Variants in ST6GALNAC3 observed in about 807,000 individuals in gnomAD.
ST6GALNAC3 encodes alpha-N-acetylgalactosaminide alpha-2,6-sialyltransferase 3.
ST6GALNAC3 carries 25 observed loss-of-function variants against 32.7 expected under a neutral mutation model. That is an observed-to-expected ratio of 0.76 (90% CI 0.56 to 1.07). The LOEUF (loss-of-function observed/expected upper bound fraction) is 1.07. ST6GALNAC3 is among the 50% of genes least tolerant of loss of function. The probability of loss-of-function intolerance (pLI) is 0.00; values close to 1 mark genes in which losing one functional copy is unlikely to be tolerated. For synonymous variants in ST6GALNAC3, 129 were observed against 133.1 expected (o/e 0.97, Z 0.21); for missense variants, 355 against 382.4 (o/e 0.93, Z 0.60).
At chr1:76,565,331 C>G (rs1296283099) in intron 3 of ST6GALNAC3, among the ~76,000 whole-genome samples, 1 of 152,162 alleles carries the variant, frequency 6.6e-6, no homozygotes, top group Non-Finnish European at 1.5e-5. Flanking sequence ...GGGCATGTTA[C>G]TTTGGTGGAG....
intron 3 of ST6GALNAC3, among the ~76,000 whole-genome samples, chr1:76,531,595 G>T (rs1663259529): frequency 6.6e-6 from 1 of 152,100 alleles, no homozygotes; most frequent in East Asian, 1.9e-4. Flanking sequence ...CATTTTGTGT[G>T]CTTTTTTCCC....
At chr1:76,185,104 G>A (rs900994682) in intron 1 of ST6GALNAC3, among the ~76,000 whole-genome samples, 1 of 152,122 alleles carries the variant, frequency 6.6e-6, no homozygotes, top group South Asian at 2.1e-4. Flanking sequence ...GATCAGAGAG[G>A]AAAACCAACT....
chr1:76,246,004 G>T (rs1657236714), intron 1 of ST6GALNAC3, among the ~76,000 whole-genome samples: 1 of 152,124 alleles, frequency 6.6e-6, no homozygotes, highest in Non-Finnish European at 1.5e-5. Flanking sequence ...ATTGACAGTG[G>T]GGTGTTAAAG....
At chr1:76,352,363 CCTT>C (rs759078848) in intron 2 of ST6GALNAC3, among the ~76,000 whole-genome samples, 16 of 114,052 alleles carry the variant, frequency 1.4e-4, no homozygotes, top group Non-Finnish European at 2.6e-4. Context: ...ACTATTTCCT[CCTT>C]TTTTTTTTTT....
chr1:76,213,066 C>T (rs534750683), intron 1 of ST6GALNAC3, among the ~76,000 whole-genome samples: 14 of 152,120 alleles, frequency 9.2e-5, no homozygotes, highest in South Asian at 4.2e-4. Context: ...TCAAATAATC[C>T]GAATTAGGGA....
chr1:76,241,500 A>G (rs543598332), intron 1 of ST6GALNAC3, among the ~76,000 whole-genome samples: 14 of 152,286 alleles, frequency 9.2e-5, no homozygotes, highest in African/African-American at 3.4e-4. Flanking sequence ...TCCCTTCCCC[A>G]GGAATGGAAT....
At chr1:76,591,930 C>T (rs548149267) in intron 3 of ST6GALNAC3, among the ~76,000 whole-genome samples, 8 of 152,098 alleles carry the variant, frequency 5.3e-5, no homozygotes, top group African/African-American at 1.4e-4. Context: ...ACAATTGGCA[C>T]GGAAAGAAGT....
intron 3 of ST6GALNAC3, among the ~76,000 whole-genome samples, chr1:76,491,490 A>G (rs6684849): frequency 0.31 from 47,199 of 151,914 alleles, 11,019 homozygotes; most frequent in African/African-American, 0.66. Context: ...CCTGGCTTCC[A>G]CATGCTGAGT....
intron 1 of ST6GALNAC3, among the ~76,000 whole-genome samples, chr1:76,091,790 G>A (rs1345621362): frequency 6.6e-6 from 1 of 152,216 alleles, no homozygotes; most frequent in Non-Finnish European, 1.5e-5. Flanking sequence ...GCCTAGGTAT[G>A]TAGTAGGCTA....
At chr1:76,570,669 T>C (rs1241175325) in intron 3 of ST6GALNAC3, among the ~76,000 whole-genome samples, 6 of 152,076 alleles carry the variant, frequency 3.9e-5, no homozygotes, top group Admixed American at 3.9e-4. Context: ...GTGCTTTTAT[T>C]GTGTTTGTTT....
intron 3 of ST6GALNAC3, among the ~76,000 whole-genome samples, chr1:76,562,846 T>A (rs953557911): frequency 2.6e-5 from 4 of 152,198 alleles, no homozygotes; most frequent in African/African-American, 4.8e-5. Flanking sequence ...TTTGAAAATC[T>A]AAACTGTTCA....
intron 3 of ST6GALNAC3, among the ~76,000 whole-genome samples, chr1:76,416,553 A>T (rs1208578295): frequency 6.6e-6 from 1 of 151,992 alleles, no homozygotes; most frequent in African/African-American, 2.4e-5. Context: ...AAAATTGTAA[A>T]AATACTTAAA....
intron 2 of ST6GALNAC3, among the ~76,000 whole-genome samples, chr1:76,360,594 C>T (rs7524886): frequency 0.13 from 19,363 of 152,070 alleles, 1,327 homozygotes; most frequent in Middle Eastern, 0.16. Context: ...AATAAAAATA[C>T]AACGTGTTGA....
intron 4 of ST6GALNAC3, 63 bp from the exon 5 acceptor site, chr1:76,628,557 G>T: frequency 7.0e-7 from 1 of 1,437,404 alleles, no homozygotes; most frequent in South Asian, 1.4e-5. Flanking sequence ...ATGGATTCTT[G>T]TAAATGAGTG....
chr1:76,576,891 C>G, intron 3 of ST6GALNAC3: 1 of 1,304,354 alleles, frequency 7.7e-7, no homozygotes, highest in South Asian at 1.2e-5. Context: ...GCAACCACCA[C>G]ATACATGTCC....
chr1:76,372,743 A>G (rs1650927133), intron 2 of ST6GALNAC3, among the ~76,000 whole-genome samples: 1 of 152,068 alleles, frequency 6.6e-6, no homozygotes, highest in East Asian at 1.9e-4. Flanking sequence ...ATCTTCTCCT[A>G]TTATTTTCAC....
Position 76,449,439 on chromosome 1 carries a change from A to G in ST6GALNAC3, c.623+37022A>G, listed in dbSNP as rs1657227465. Among the ~76,000 whole-genome samples, 3 of 152,204 alleles carry G rather than the reference A, an allele frequency of 2.0e-5. No homozygotes were observed. In the South Asian group the frequency reaches 6.2e-4, roughly 31 times the overall value. On this transcript the variant is annotated intron_variant, in intron 3 of 4. Coordinates refer to ENST00000328299, the MANE Select transcript of ST6GALNAC3 (RefSeq NM_152996.4). ...TTTTCAACTCATTTGGGTAAATACT[A>G]AAGAATACAATTGTGGAAGCATGGG...
chr1:76,336,166 G>A (rs1455371113), intron 2 of ST6GALNAC3, among the ~76,000 whole-genome samples: 1 of 152,184 alleles, frequency 6.6e-6, no homozygotes, highest in Admixed American at 6.5e-5. Flanking sequence ...TGCCATTAGT[G>A]TACCAAGGAG....
intron 2 of ST6GALNAC3, among the ~76,000 whole-genome samples, chr1:76,381,430 AT>A (rs1651708695): frequency 6.6e-6 from 1 of 152,190 alleles, no homozygotes; most frequent in African/African-American, 2.4e-5. Flanking sequence ...CAATAATAAT[AT>A]TAGTAAACAT....
Sources: gnomAD v4.1 joint callset for allele counts (sites outside exome capture counted in the v4.1 genomes callset) on GRCh38, gnomAD v4.1.1 for gene constraint, MANE v1.5 for transcripts, NCBI Gene and HGNC (gene_info 2026-07-23, HGNC 2026-07-21) for gene names.